Variants in ADCYAP1R1 observed in about 807,000 individuals in gnomAD.
ADCYAP1R1 encodes pituitary adenylate cyclase-activating polypeptide type I receptor.
Under a neutral mutation model 67.6 loss-of-function variants are expected in ADCYAP1R1, and 44 were observed. The observed-to-expected ratio is 0.65, with a 90% confidence interval of 0.51 to 0.84. ADCYAP1R1 has a LOEUF of 0.84. Among genes scored for constraint, ADCYAP1R1 ranks in the 40% least tolerant of loss-of-function variants. The pLI, the probability that ADCYAP1R1 is intolerant of heterozygous loss-of-function variation, is 0.00. For synonymous variants in ADCYAP1R1, 222 were observed against 219.6 expected (o/e 1.01, Z -0.10); for missense variants, 477 against 587.9 (o/e 0.81, Z 1.95).
intron 1 of ADCYAP1R1, among the ~76,000 whole-genome samples, chr7:31,061,269 A>C (rs1192731457): frequency 6.6e-6 from 1 of 152,204 alleles, no homozygotes; most frequent in Admixed American, 6.5e-5. Flanking sequence ...AGCCTCTGTC[A>C]CTGGTGCCAG....
intron 11 of ADCYAP1R1, 93 bp from the exon 12 acceptor site, chr7:31,087,534 T>C (rs1282802856): frequency 9.0e-7 from 1 of 1,113,872 alleles, no homozygotes; most frequent in African/African-American, 1.5e-5. Flanking sequence ...GTGGTGAAAG[T>C]GTCGGGCACC....
intron 13 of ADCYAP1R1, among the ~76,000 whole-genome samples, chr7:31,101,800 G>A (rs1319483196): frequency 1.3e-5 from 2 of 152,214 alleles, no homozygotes; most frequent in Non-Finnish European, 2.9e-5. Context: ...GTCACAGTCA[G>A]AGATAGACAG....
chr7:31,071,784 G>A (rs995977438), intron 3 of ADCYAP1R1, among the ~76,000 whole-genome samples: 2 of 152,130 alleles, frequency 1.3e-5, no homozygotes, highest in African/African-American at 4.8e-5. Flanking sequence ...TTCTCCAGTT[G>A]CTACTTCTCT....
chr7:31,061,661 C>T (rs1000370013), intron 1 of ADCYAP1R1, among the ~76,000 whole-genome samples: 5 of 152,168 alleles, frequency 3.3e-5, no homozygotes, highest in African/African-American at 1.2e-4. Flanking sequence ...GATGGGGGCT[C>T]CCTCTTTTTG....
intron 15 of ADCYAP1R1, 70 bp downstream of exon 15, chr7:31,104,979 C>T (rs1035984601): frequency 3.3e-6 from 5 of 1,511,414 alleles, no homozygotes; most frequent in East Asian, 4.5e-5. Flanking sequence ...AGGGGAACCA[C>T]CTGTTGGCCA....
At chr7:31,097,199 C>G (rs962856417) in intron 13 of ADCYAP1R1, among the ~76,000 whole-genome samples, 1 of 152,182 alleles carries the variant, frequency 6.6e-6, no homozygotes, top group Admixed American at 6.5e-5. Flanking sequence ...ATAGGGTCTC[C>G]CACTTTCTGA....
chr7:31,060,490 T>TGTGTGTGTGTG (rs1794454804), intron 1 of ADCYAP1R1, among the ~76,000 whole-genome samples: 1 of 150,280 alleles, frequency 6.7e-6, no homozygotes, highest in South Asian at 2.1e-4. Flanking sequence ...TGTGAAGGAG[T>TGTGTGTGTGTG]GTGTGTGTGT....
At chr7:31,080,661 C>G in intron 5 of ADCYAP1R1, 28 bp downstream of exon 5, 2 of 1,612,242 alleles carry the variant, frequency 1.2e-6, no homozygotes, top group South Asian at 1.1e-5. Flanking sequence ...GAGGATAGAC[C>G]GCTGTCTTTC....
rs2302476 is a variant in ADCYAP1R1 at position 31,106,841 on chromosome 7, A to G, written c.*157A>G. On this transcript the variant is annotated 3_prime_UTR_variant, in exon 16 of 16. Coordinates refer to ENST00000304166, the MANE Select transcript of ADCYAP1R1 (RefSeq NM_001118.5). The stretch of plus-strand genomic sequence containing the variant: ...GAGAAGGAGGCAGGGCACAGACTGG[A>G]ATTGTCCCCTCCTTGTTTTGGTACT... The G allele has an allele frequency of 0.35, 306,884 of 887,790 alleles. 59,488 individuals are homozygous for G. Among genetic ancestry groups the G allele is most frequent in the East Asian group, 0.8 (28,426 of 35,616 alleles). The allele number at this position is 887,790 out of a possible 1,614,324, so 55.0% of individuals were successfully genotyped here.
chr7:31,059,983 A>G (rs567251899), intron 1 of ADCYAP1R1, among the ~76,000 whole-genome samples: 1 of 152,054 alleles, frequency 6.6e-6, no homozygotes, highest in African/African-American at 2.4e-5. Context: ...AGTGGGAATC[A>G]AGAACCCTGG....
rs1038580107 is a variant in ADCYAP1R1, at chr7:31,109,211, G to C, written c.*2527G>C. The C allele has an allele frequency of 6.6e-6, 1 of 152,260 alleles. No individual in the cohort carries two copies. Among genetic ancestry groups the C allele is most frequent in the African/African-American group, 2.4e-5 (1 of 41,454 alleles). The allele number at this position is 152,260 out of a possible 1,614,324, so 9.4% of individuals were successfully genotyped here. ...GTTAGTTGGTTGTTTTTCCGTCTGA[G>C]TGAATTTTTGCCAGTCTTGTGAGCA... is the stretch of plus-strand genomic sequence containing the variant. On this transcript the variant is annotated 3_prime_UTR_variant, in exon 16 of 16. Transcript: ENST00000304166.
At position 31,087,709 on chromosome 7, in the gene ADCYAP1R1, G is replaced by A. The variant is rs781115478; in HGVS notation, c.954+13G>A. The A allele has an allele frequency of 5.0e-6, 8 of 1,610,594 alleles. No homozygotes were observed. In the Admixed American group the frequency reaches 1.3e-4, roughly 27 times the overall value. On this transcript the variant is annotated intron_variant, in intron 12 of 15. Coordinates refer to ENST00000304166, the MANE Select transcript of ADCYAP1R1 (RefSeq NM_001118.5). Reference sequence around the variant, plus strand: ...TGGCTCTATCATGGTGAGTGTCCTTGGGATGAAGAGGAAGGGAAGAGACAG... The same window carrying A: ...TGGCTCTATCATGGTGAGTGTCCTTAGGATGAAGAGGAAGGGAAGAGACAG...
At position 31,102,881 on chromosome 7, in the gene ADCYAP1R1, G is replaced by A. The variant is rs1216018931; in HGVS notation, c.1047-356G>A. ...GAACAGGAGAGCGGCTGCTCTGCCT[G>A]AGGACCCTGCATTTCCCACAAGCTT... is the stretch of plus-strand genomic sequence containing the variant. On this transcript the variant is annotated intron_variant, in intron 13 of 15. Transcript: ENST00000304166. This position sits in a 1 kb window ranked among gnomAD's most constrained non-coding sequence, Gnocchi z 4.3. Among the ~76,000 whole-genome samples, 1 of 152,180 alleles carries A rather than the reference G, an allele frequency of 6.6e-6. No individual in the cohort carries two copies. The highest frequency in any genetic ancestry group is 1.5e-5 in the Non-Finnish European group (1 of 68,040).
chr7:31,054,872 C>T (rs1390462280), intron 1 of ADCYAP1R1, among the ~76,000 whole-genome samples: 1 of 152,188 alleles, frequency 6.6e-6, no homozygotes, highest in African/African-American at 2.4e-5. Context: ...GGGATGATGC[C>T]CCAGACAGGA....
At chr7:31,093,431 A>G (rs112180590) in intron 13 of ADCYAP1R1, among the ~76,000 whole-genome samples, 7,255 of 152,188 alleles carry the variant, frequency 0.048, 588 homozygotes, top group African/African-American at 0.17. Flanking sequence ...CTAACAGCCT[A>G]TCTTTGCCTG....
At chr7:31,096,225 A>G (rs1364390895) in intron 13 of ADCYAP1R1, among the ~76,000 whole-genome samples, 1 of 152,102 alleles carries the variant, frequency 6.6e-6, no homozygotes, top group Non-Finnish European at 1.5e-5. Context: ...CAAGCACTGG[A>G]AGCTGCAGCT....
At chr7:31,079,664 T>C (rs1795431003) in intron 4 of ADCYAP1R1, among the ~76,000 whole-genome samples, 1 of 152,198 alleles carries the variant, frequency 6.6e-6, no homozygotes, top group South Asian at 2.1e-4. Flanking sequence ...AACAGTGGCC[T>C]GTGTTGGGGG....
chr7:31,076,638 G>C (rs1307484918), intron 3 of ADCYAP1R1, among the ~76,000 whole-genome samples: 1 of 152,146 alleles, frequency 6.6e-6, no homozygotes, highest in Admixed American at 6.5e-5. Flanking sequence ...TTCTGGTTCC[G>C]GGTCCTTTCA....
At chr7:31,087,104 C>T (rs1161378991) in intron 11 of ADCYAP1R1, 101 bp downstream of exon 11, 9 of 1,316,272 alleles carry the variant, frequency 6.8e-6, no homozygotes, top group African/African-American at 1.4e-5. Flanking sequence ...CCGCAACAAA[C>T]CATTCAATGC....
Sources: allele counts gnomAD v4.1 joint callset (sites outside exome capture counted in the v4.1 genomes callset), GRCh38; gene constraint gnomAD v4.1.1; non-coding constraint Gnocchi (gnomAD v3.1); transcripts MANE v1.5; gene names NCBI Gene and HGNC (gene_info 2026-07-23, HGNC 2026-07-21).